The following EXD3 variants were observed in gnomAD, a reference collection of about 807,000 sequenced individuals.
The protein encoded by EXD3 is exonuclease 3'-5' domain containing 3.
Under a neutral mutation model 98.0 loss-of-function variants are expected in EXD3, and 92 were observed. The ratio of observed to expected loss-of-function variants is 0.94; its 90% CI spans 0.79 to 1.12. The LOEUF (loss-of-function observed/expected upper bound fraction) is 1.12. Ranked by LOEUF, EXD3 falls within the 50% of genes most tolerant of loss-of-function variation. The pLI is 0.00. For missense variants in EXD3, 1,222 were observed against 1,191.6 expected (o/e 1.03, Z -0.38); for synonymous variants, 569 against 526.0 (o/e 1.08, Z -1.12).
At chr9:137,401,476 C>A (rs1157732891) in intron 1 of EXD3, among the ~76,000 whole-genome samples, 1 of 152,180 alleles carries the variant, frequency 6.6e-6, no homozygotes, top group African/African-American at 2.4e-5. Context: ...CCCTTCTGCA[C>A]TGCCCTAGCA....
chr9:137,339,496 C>CAAAAAA (rs57029740), intron 17 of EXD3, among the ~76,000 whole-genome samples: 1 of 92,680 alleles, frequency 1.1e-5, no homozygotes, highest in African/African-American at 3.7e-5. Flanking sequence ...GACGCCACTT[C>CAAAAAA]AAAAAAAAAA....
intron 7 of EXD3, among the ~76,000 whole-genome samples, chr9:137,359,218 C>G (rs1225831317): frequency 1.2e-5 from 1 of 83,178 alleles, no homozygotes; most frequent in African/African-American, 3.3e-5. Flanking sequence ...ATCTGCCTGC[C>G]TCGGCCTCCC....
At chr9:137,313,917 C>A (rs533895237) in intron 19 of EXD3, among the ~76,000 whole-genome samples, 1 of 152,328 alleles carries the variant, frequency 6.6e-6, no homozygotes, top group Admixed American at 6.5e-5. Context: ...CCTGGACAGG[C>A]CTCTGCACGG....
intron 20 of EXD3, among the ~76,000 whole-genome samples, chr9:137,308,318 A>G (rs1467339368): frequency 6.6e-6 from 1 of 152,054 alleles, no homozygotes. Flanking sequence ...CCGGGGATGA[A>G]TGCACCACGC....
intron 17 of EXD3, chr9:137,345,686 G>GAAAAGA (rs999628838): frequency 4.1e-5 from 6 of 147,168 alleles, no homozygotes; most frequent in African/African-American, 1.5e-4. Context: ...GGAAAGAAAA[G>GAAAAGA]AAAAGAAAAA....
In EXD3 at chr9:137,324,244, G is replaced by A. The variant is rs1832260585; in HGVS notation, c.1999-101C>T. The A allele has an allele frequency of 7.9e-6, 8 of 1,008,362 alleles. No individual in the cohort carries two copies. Among genetic ancestry groups the A allele is most frequent in the Non-Finnish European group, 1.0e-5 (7 of 673,534 alleles). 62.5% of individuals were successfully genotyped at this position (1,008,362 alleles called of 1,614,324 possible). A position where few individuals can be genotyped will look rare whatever the true frequency, so the allele number is the denominator to read the frequency against. ...CCCTAGCTCCCCGGATCGTGGCCCT[G>A]CCCCAGGCCCCTTTTGTCCTCCAGG... On this transcript the variant is annotated intron_variant, in intron 17 of 21. Transcript: ENST00000340951. This position sits in a 1 kb window ranked among gnomAD's most constrained non-coding sequence, Gnocchi z 4.1.
At chr9:137,316,428 C>T (rs528397210) in intron 19 of EXD3, among the ~76,000 whole-genome samples, 5 of 152,160 alleles carry the variant, frequency 3.3e-5, no homozygotes, top group African/African-American at 1.2e-4. Flanking sequence ...CTCGGCCCCC[C>T]GCCCGCAGAG....
rs751611486 is a variant in EXD3 at position 137,395,970 on chromosome 9, CTTTTTTTTT to C, written c.-47-575_-47-567del. ...TTTTTTTTCTTTTCTTTCTTTCTTT[CTTTTTTTTT>C]TTTTTGGAGACAGAGTCTCTCTGCA... On this transcript the variant is annotated intron_variant, in intron 1 of 21. Transcript: ENST00000340951. This position sits in a 1 kb window ranked among gnomAD's most constrained non-coding sequence, Gnocchi z 6.5. 1.4e-5 allele frequency among the ~76,000 whole-genome samples: 2 copies of C among 140,758 alleles called. No homozygotes were observed. Among genetic ancestry groups the C allele is most frequent in the Non-Finnish European group, 3.1e-5 (2 of 64,576 alleles). 92.3% of individuals were successfully genotyped at this position (140,758 alleles called of 152,430 possible). A position where few individuals can be genotyped will look rare whatever the true frequency, so the allele number is the denominator to read the frequency against.
intron 19 of EXD3, among the ~76,000 whole-genome samples, chr9:137,320,445 T>C (rs1038771415): frequency 6.6e-6 from 1 of 152,190 alleles, no homozygotes; most frequent in Non-Finnish European, 1.5e-5. Flanking sequence ...GCTCTGGCCT[T>C]AGCCCCTCCC....
In EXD3 at chr9:137,373,448, T is replaced by A. The variant is rs1738934710; in HGVS notation, c.272A>T (p.Gln91Leu). ...SHQLQCWLQA[Q>L]PCPSLAQHSL... ...CACCTGGGCCAGGCTCGGGCATGGC[T>A]GTGCCTGTAGCCAGCACTGCAGCTG... Residue 91 changes from glutamine (Q) to leucine (L), a missense_variant, in exon 4 of 22, where the codon CAG (glutamine) becomes CTG (leucine). Coordinates refer to ENST00000340951, the MANE Select transcript of EXD3 (RefSeq NM_017820.5). The A allele has an allele frequency of 1.2e-6, 2 of 1,608,736 alleles. No homozygotes were observed. The highest frequency in any genetic ancestry group is 1.3e-5 in the African/African-American group (1 of 74,868).
chr9:137,412,841 G>A (rs778313950), intron 1 of EXD3, among the ~76,000 whole-genome samples: 5 of 152,112 alleles, frequency 3.3e-5, no homozygotes, highest in Admixed American at 1.3e-4. Flanking sequence ...GCGGTGGGGC[G>A]ATCACGGCTC....
At chr9:137,315,895 C>G (rs917773534) in intron 19 of EXD3, among the ~76,000 whole-genome samples, 1 of 151,794 alleles carries the variant, frequency 6.6e-6, no homozygotes, top group Non-Finnish European at 1.5e-5. Context: ...TGCCCTGGGC[C>G]TCGGGCTCCC....
At position 137,307,062 on chromosome 9, in the gene EXD3, C is replaced by G; in HGVS notation, c.2519G>C (p.Trp840Ser). Residue 840 changes from tryptophan (W) to serine (S), a missense_variant, in exon 22 of 22, where the codon TGG (tryptophan) becomes TCG (serine). Trp to Ser is a radical substitution (Grantham distance 177). Coordinates refer to ENST00000340951, the MANE Select transcript of EXD3 (RefSeq NM_017820.5). The part of the protein sequence containing the change: ...YCCTGCGKVF[W>S]DGSHLGRVAT... The stretch of plus-strand genomic sequence containing the variant: ...AACACGACCCAGGTGGGAGCCGTCC[C>G]AGAAGACCTTTCCACAGCCCGTGCA... 1 of 1,612,074 alleles carries G rather than the reference C, an allele frequency of 6.2e-7. No homozygotes were observed. Among genetic ancestry groups the G allele is most frequent in the Non-Finnish European group, 8.5e-7 (1 of 1,179,608 alleles).
chr9:137,329,657 C>T lies in EXD3; in HGVS notation c.1999-5514G>A, dbSNP rs866415186. Among the ~76,000 whole-genome samples the T allele has an allele frequency of 6.6e-5, 3 of 45,174 alleles. 1 individual carries two copies. The highest frequency in any genetic ancestry group is 3.0e-4 in the African/African-American group (3 of 10,082). The allele number at this position is 45,174 out of a possible 152,430, so 29.6% of individuals were successfully genotyped here. A position where few individuals can be genotyped will look rare whatever the true frequency, so the allele number is the denominator to read the frequency against. On this transcript the variant is annotated intron_variant, in intron 17 of 21. Transcript: ENST00000340951. ...CGGGACTACACGGGACTACACGGGG[C>T]TACACGGGACTACACGGGACTACAC...
chr9:137,317,651 G>T (rs907188837), intron 19 of EXD3, among the ~76,000 whole-genome samples: 53 of 152,120 alleles, frequency 3.5e-4, no homozygotes, highest in African/African-American at 1.3e-3. Context: ...GCTGTGGAGA[G>T]GTGGTGTGGG....
At chr9:137,314,378 G>C (rs375931469) in intron 19 of EXD3, among the ~76,000 whole-genome samples, 38 of 152,204 alleles carry the variant, frequency 2.5e-4, no homozygotes, top group African/African-American at 8.4e-4. Flanking sequence ...CTTTCCACTG[G>C]AGACAGTGCT....
At chr9:137,387,281 T>C (rs1034372117) in intron 2 of EXD3, among the ~76,000 whole-genome samples, 1 of 152,100 alleles carries the variant, frequency 6.6e-6, no homozygotes, top group African/African-American at 2.4e-5. Flanking sequence ...CGGTGCACGA[T>C]GGACACTCCA....
chr9:137,416,550 T>G (rs1020615437), intron 1 of EXD3, among the ~76,000 whole-genome samples: 1 of 150,960 alleles, frequency 6.6e-6, no homozygotes, highest in Non-Finnish European at 1.5e-5. Flanking sequence ...CGGGCAGGCA[T>G]CCGGACCCTC....
At chr9:137,335,205 G>GA (rs1037153450) in intron 17 of EXD3, among the ~76,000 whole-genome samples, 5 of 151,790 alleles carry the variant, frequency 3.3e-5, no homozygotes, top group Admixed American at 3.3e-4. Flanking sequence ...AAATCCGCAA[G>GA]AAAAAAACAA....
Sources: allele counts gnomAD v4.1 joint callset (sites outside exome capture counted in the v4.1 genomes callset), GRCh38; gene constraint gnomAD v4.1.1; non-coding constraint Gnocchi (gnomAD v3.1); transcripts MANE v1.5; gene names NCBI Gene and HGNC (gene_info 2026-07-23, HGNC 2026-07-21).